The following PPARGC1B variants were observed in gnomAD, a reference collection of about 807,000 sequenced individuals.
The protein encoded by PPARGC1B is PPARG coactivator 1 beta, also known as peroxisome proliferator-activated receptor gamma coactivator 1-beta.
A neutral mutation model predicts 101.6 loss-of-function variants in PPARGC1B; 34 were observed. That is an observed-to-expected ratio of 0.33 (90% confidence interval 0.25 to 0.45). The LOEUF is 0.45. Among genes scored for constraint, PPARGC1B ranks in the 20% least tolerant of loss-of-function variants. The pLI is 1.00. For missense variants in PPARGC1B, 1,234 were observed against 1,317.6 expected (o/e 0.94, Z 0.98); for synonymous variants, 548 against 539.3 (o/e 1.02, Z -0.22).
intron 1 of PPARGC1B, among the ~76,000 whole-genome samples, chr5:149,791,822 A>T (rs1757033636): frequency 6.6e-6 from 1 of 152,208 alleles, no homozygotes; most frequent in South Asian, 2.1e-4. Context: ...GATTAAGATA[A>T]TGAGGGCAGT....
At position 149,820,416 on chromosome 5, in the gene PPARGC1B, C is replaced by A; in HGVS notation, c.79-17C>A. On this transcript the variant is annotated splice_polypyrimidine_tract_variant and intron_variant, in intron 1 of 11. Transcript: ENST00000309241. ...AGCCTCAGCTCTGATCCACCTCTTTCCTTCCTGTCTCCTCAGGGTGGAGGG... is the reference window on the plus strand; with the variant it reads ...AGCCTCAGCTCTGATCCACCTCTTTACTTCCTGTCTCCTCAGGGTGGAGGG... 1 of 1,611,350 alleles carries A rather than the reference C, an allele frequency of 6.2e-7. No homozygotes were observed.
chr5:149,762,155 GTT>G (rs145066643), intron 1 of PPARGC1B, among the ~76,000 whole-genome samples: 101 of 133,662 alleles, frequency 7.6e-4, no homozygotes, highest in Non-Finnish European at 8.7e-4. Flanking sequence ...AATCCCATGG[GTT>G]TTTTTTTTTT....
chr5:149,827,205 T>TA (rs1758567212), intron 3 of PPARGC1B, among the ~76,000 whole-genome samples: 1 of 152,240 alleles, frequency 6.6e-6, no homozygotes, highest in Non-Finnish European at 1.5e-5. Flanking sequence ...ACACACATGG[T>TA]AAAAATCCAG....
intron 1 of PPARGC1B, among the ~76,000 whole-genome samples, chr5:149,751,169 T>C (rs1755288577): frequency 6.6e-6 from 1 of 152,200 alleles, no homozygotes; most frequent in Admixed American, 6.5e-5. Context: ...TTTTCAGTAT[T>C]AGGGACTAAT....
intron 1 of PPARGC1B, among the ~76,000 whole-genome samples, chr5:149,798,500 G>A (rs1435142554): frequency 1.3e-5 from 2 of 152,220 alleles, no homozygotes; most frequent in East Asian, 1.9e-4. Flanking sequence ...CTCCAGGTAT[G>A]TGATCAGAGA....
chr5:149,827,518 A>C (rs1412230984), intron 3 of PPARGC1B, among the ~76,000 whole-genome samples: 2 of 151,614 alleles, frequency 1.3e-5, no homozygotes, highest in African/African-American at 4.9e-5. Context: ...TGTTGTTTCA[A>C]CTCCTTCCTC....
chr5:149,794,581 A>T (rs1185667121), intron 1 of PPARGC1B, among the ~76,000 whole-genome samples: 2 of 152,074 alleles, frequency 1.3e-5, no homozygotes, highest in African/African-American at 4.8e-5. Context: ...TAAGCAGTAA[A>T]ATGGCAAAGA....
intron 1 of PPARGC1B, among the ~76,000 whole-genome samples, chr5:149,731,119 C>G (rs977187375): frequency 3.3e-5 from 5 of 152,150 alleles, no homozygotes. Context: ...TGCGCGGCCC[C>G]GGTGCGCGCT....
chr5:149,798,310 A>G (rs1757304617), intron 1 of PPARGC1B, among the ~76,000 whole-genome samples: 1 of 152,254 alleles, frequency 6.6e-6, no homozygotes, highest in African/African-American at 2.4e-5. Flanking sequence ...CAGCATTTGC[A>G]TTTCTAGTCT....
At chr5:149,809,396 T>C (rs575161429) in intron 1 of PPARGC1B, among the ~76,000 whole-genome samples, 2 of 101,240 alleles carry the variant, frequency 2.0e-5, no homozygotes, top group Non-Finnish European at 4.2e-5. Flanking sequence ...GATAGATCCA[T>C]CTCTACCATA....
chr5:149,855,022 A>AGCT (rs1759912966), downstream of PPARGC1B: 1 of 152,236 alleles, frequency 6.6e-6, no homozygotes, highest in African/African-American at 2.4e-5. Flanking sequence ...TACCACCCAC[A>AGCT]GCTTTGCCCA....
rs1387519446 is a variant in PPARGC1B, at chr5:149,837,453, AG to A, written c.2618+381del. Among the ~76,000 whole-genome samples the A allele has an allele frequency of 6.6e-6, 1 of 152,204 alleles. No individual in the cohort carries two copies. The highest frequency in any genetic ancestry group is 1.9e-4 in the East Asian group (1 of 5,194). ...TTTGTGCAAACATACCTGCCCCAAC[AG>A]TTTGAATTCTAGGGATGTTTATAAG... On this transcript the variant is annotated intron_variant, in intron 8 of 11. Coordinates refer to ENST00000309241, the MANE Select transcript of PPARGC1B (RefSeq NM_133263.4). This position sits in a 1 kb window ranked among gnomAD's most constrained non-coding sequence, Gnocchi z 4.2.
At chr5:149,791,206 G>C (rs372048245) in intron 1 of PPARGC1B, among the ~76,000 whole-genome samples, 7 of 130,304 alleles carry the variant, frequency 5.4e-5, no homozygotes, top group African/African-American at 1.7e-4. Flanking sequence ...TGTCTGGGGC[G>C]GGGGGCGGGG....
chr5:149,842,431 T>C, intron 10 of PPARGC1B, 54 bp downstream of exon 10: 1 of 1,586,794 alleles, frequency 6.3e-7, no homozygotes, highest in South Asian at 1.1e-5. Flanking sequence ...GCACTGGTCC[T>C]GATCCAGAAT....
chr5:149,824,348 G>T (rs903949687), intron 2 of PPARGC1B, among the ~76,000 whole-genome samples: 1 of 152,070 alleles, frequency 6.6e-6, no homozygotes. Context: ...TTAGCCTCCC[G>T]CCATTGTTCA....
chr5:149,821,243 G>A (rs145984995), intron 2 of PPARGC1B, among the ~76,000 whole-genome samples: 3 of 152,280 alleles, frequency 2.0e-5, no homozygotes, highest in East Asian at 3.9e-4. Context: ...GGAGCCTAGA[G>A]GTTCTTTAAT....
intron 6 of PPARGC1B, 118 bp from the exon 7 acceptor site, chr5:149,835,183 C>T (rs1758994496): frequency 3.3e-6 from 3 of 905,164 alleles, no homozygotes; most frequent in Non-Finnish European, 5.4e-6. Context: ...GGCTCCATTT[C>T]CATGGGCAGT....
intron 2 of PPARGC1B, among the ~76,000 whole-genome samples, chr5:149,825,701 G>A (rs775373141): frequency 5.9e-5 from 9 of 152,172 alleles, no homozygotes; most frequent in Non-Finnish European, 1.3e-4. Flanking sequence ...CCATGGGAGC[G>A]GGGCATGTCA....
At chr5:149,795,934 G>A (rs1208549173) in intron 1 of PPARGC1B, among the ~76,000 whole-genome samples, 1 of 152,102 alleles carries the variant, frequency 6.6e-6, no homozygotes, top group Non-Finnish European at 1.5e-5. Flanking sequence ...TACCAGTCAT[G>A]AGGATTGAGT....
Sources: allele counts gnomAD v4.1 joint callset (sites outside exome capture counted in the v4.1 genomes callset), GRCh38; gene constraint gnomAD v4.1.1; non-coding constraint Gnocchi (gnomAD v3.1); transcripts MANE v1.5; gene names NCBI Gene and HGNC (gene_info 2026-07-23, HGNC 2026-07-21).